CSNK1E: variants seen among roughly 807,000 people sequenced by gnomAD.
The protein encoded by CSNK1E is casein kinase 1 epsilon.
A neutral mutation model predicts 46.1 loss-of-function variants in CSNK1E; 17 were observed. That is an observed-to-expected ratio of 0.37 (90% CI 0.25 to 0.55). CSNK1E has a LOEUF of 0.55. Ranked by LOEUF, CSNK1E falls within the 20% of genes least tolerant of loss-of-function variation. CSNK1E has a pLI of 0.82. For synonymous variants in CSNK1E, 241 were observed against 242.6 expected, an observed-to-expected ratio of 0.99 and a Z score of 0.06; for missense variants, 386 against 595.4, an observed-to-expected ratio of 0.65 and a Z score of 3.66.
intron 6 of CSNK1E, among the ~76,000 whole-genome samples, chr22:38,299,664 C>A (rs2092660421): frequency 6.6e-6 from 1 of 152,240 alleles, no homozygotes; most frequent in South Asian, 2.1e-4. Flanking sequence ...GCTGGGATTA[C>A]AGGTGGGGCT....
intron 7 of CSNK1E, chr22:38,295,526 C>A (rs1347526178): frequency 6.4e-5 from 14 of 218,724 alleles, no homozygotes; most frequent in Non-Finnish European, 9.3e-5. Context: ...CCATGTCTCT[C>A]CCAGGAGACT....
chr22:38,297,181 C>G lies in CSNK1E; in HGVS notation c.885+1605G>C, dbSNP rs762394320. 5 of 777,156 alleles carry G rather than the reference C, an allele frequency of 6.4e-6. No individual in the cohort carries two copies. The African/African-American group carries it at 6.8e-5, about 11-fold the overall frequency. 48.1% of individuals were successfully genotyped at this position (777,156 alleles called of 1,614,324 possible). On this transcript the variant is annotated intron_variant, in intron 7 of 10. Coordinates refer to ENST00000396832, the MANE Select transcript of CSNK1E (RefSeq NM_152221.3). ...CTAGAGAATACAAAATCCATTCTTG[C>G]AGTTGTGCTGAGCTGGAGGGCCAAG...
At chr22:38,301,455 TGGAGTCTCGGTCTGTTGCCCAG>T (rs577861752) in intron 4 of CSNK1E, among the ~76,000 whole-genome samples, 222 of 151,920 alleles carry the variant, frequency 1.5e-3, no homozygotes, top group African/African-American at 5.2e-3. Flanking sequence ...TTTTTTGAGA[TGGAGTCTCGGTCTGTTGCCCAG>T]GCTGGAGTGC....
Position 38,300,587 on chromosome 22 carries a change from G to T in CSNK1E, c.565+137C>A. 1.2e-6 allele frequency: 1 copy of T among 800,836 alleles called. No homozygotes were observed. The highest frequency in any genetic ancestry group is 1.7e-5 in the African/African-American group (1 of 57,738). 49.6% of individuals were successfully genotyped at this position (800,836 alleles called of 1,614,324 possible). A position where few individuals can be genotyped will look rare whatever the true frequency, so the allele number is the denominator to read the frequency against. On this transcript the variant is annotated intron_variant, in intron 5 of 10. Transcript: ENST00000396832. The surrounding 1 kb of genome is among the most constrained non-coding windows in gnomAD (Gnocchi z 4.4). ...GGACACGGAATAAGCACGAGCTTGG[G>T]GGCAGACGGGGTGGGGACTTTCTCA... is the stretch of plus-strand genomic sequence containing the variant.
rs1469096663 is a variant in CSNK1E at position 38,294,695 on chromosome 22, C to G, written c.886-161G>C. 6.6e-6 allele frequency among the ~76,000 whole-genome samples: 1 copy of G among 152,152 alleles called. No homozygotes were observed. Among genetic ancestry groups the G allele is most frequent in the East Asian group, 1.9e-4 (1 of 5,186 alleles). On this transcript the variant is annotated intron_variant, in intron 7 of 10. Transcript: ENST00000396832. The surrounding 1 kb of genome is among the most constrained non-coding windows in gnomAD (Gnocchi z 5.5). ...AGCGCGGGAAGCCAAGACCCACAAT[C>G]ACACAGCACAGAGACACGAAGCCAC...
At chr22:38,296,095 C>T in intron 7 of CSNK1E, 1 of 927,594 alleles carries the variant, frequency 1.1e-6, no homozygotes, top group Non-Finnish European at 1.3e-6. Context: ...GGCTGGAGCC[C>T]CTGCCCTTTG....
At chr22:38,317,652 GC>G (rs2092755729), upstream of CSNK1E, among the ~76,000 whole-genome samples, 1 of 152,006 alleles carries the variant, frequency 6.6e-6, no homozygotes, top group Non-Finnish European at 1.5e-5. Context: ...GCAGTCCAGG[GC>G]ACAGGTGGAA....
chr22:38,301,419 A>G (rs1004883103), intron 4 of CSNK1E, among the ~76,000 whole-genome samples: 2 of 151,842 alleles, frequency 1.3e-5, no homozygotes, highest in Admixed American at 6.6e-5. Flanking sequence ...AGACAGGCAC[A>G]TGGCCCTCTT....
rs1271725384 is a variant in CSNK1E, at chr22:38,294,888, G to A, written c.886-354C>T. ...GCTGGGCCTGCCCTGGCCCCCCTCT[G>A]TGTACCAAGAGCCCTTAACTACTCA... On this transcript the variant is annotated intron_variant, in intron 7 of 10. Transcript: ENST00000396832. The surrounding 1 kb of genome is among the most constrained non-coding windows in gnomAD (Gnocchi z 5.5). 1.3e-5 allele frequency among the ~76,000 whole-genome samples: 2 copies of A among 152,180 alleles called. No individual in the cohort carries two copies. The highest frequency in any genetic ancestry group is 4.8e-5 in the African/African-American group (2 of 41,440).
In CSNK1E at chr22:38,309,825, T is replaced by A. The variant is rs1313694118; in HGVS notation, c.76+4257A>T. ...GTCAAATGATCATATGCTACAAACTTCCCAGGGACAGGGACCCAAGCTGCT... is the reference window on the plus strand; with the variant it reads ...GTCAAATGATCATATGCTACAAACTACCCAGGGACAGGGACCCAAGCTGCT... On this transcript the variant is annotated intron_variant, in intron 2 of 10. Coordinates refer to ENST00000396832, the MANE Select transcript of CSNK1E (RefSeq NM_152221.3). This position sits in a 1 kb window ranked among gnomAD's most constrained non-coding sequence, Gnocchi z 4.8. Among the ~76,000 whole-genome samples the A allele has an allele frequency of 6.6e-6, 1 of 152,168 alleles. No individual in the cohort carries two copies. The highest frequency in any genetic ancestry group is 1.5e-5 in the Non-Finnish European group (1 of 68,034).
At chr22:38,292,440 C>G (rs2092616238) in intron 10 of CSNK1E, 1 of 152,280 alleles carries the variant, frequency 6.6e-6, no homozygotes, top group Non-Finnish European at 1.5e-5. Context: ...CCACCCCACC[C>G]CCAAATATCT....
At position 38,314,078 on chromosome 22, in the gene CSNK1E, T is replaced by C. The variant is rs1015190542; in HGVS notation, c.76+4A>G. On this transcript the variant is annotated splice_donor_region_variant and intron_variant, in intron 2 of 10. Coordinates refer to ENST00000396832, the MANE Select transcript of CSNK1E (RefSeq NM_152221.3). Reference sequence around the variant, plus strand: ...GGGCTCCAGCTGGAGCTAGGAACACTTACCCAGGTAGATATCTCCGAAGGA... The same window carrying C: ...GGGCTCCAGCTGGAGCTAGGAACACCTACCCAGGTAGATATCTCCGAAGGA... The C allele has an allele frequency of 6.2e-6, 10 of 1,613,562 alleles. 1 individual carries two copies. The African/African-American group carries it at 9.3e-5, about 15-fold the overall frequency.
At position 38,294,066 on chromosome 22, in the gene CSNK1E, C is replaced by T; in HGVS notation, c.1218+43G>A. 6.3e-7 allele frequency: 1 copy of T among 1,593,498 alleles called. No individual in the cohort carries two copies. The highest frequency in any genetic ancestry group is 8.5e-7 in the Non-Finnish European group (1 of 1,173,088). ...TGACCTCCCACTGGGGGGTCTCTAACTCAGTTCTGAGGCCCAGAGGGACTG... is the reference window on the plus strand; with the variant it reads ...TGACCTCCCACTGGGGGGTCTCTAATTCAGTTCTGAGGCCCAGAGGGACTG... On this transcript the variant is annotated intron_variant, in intron 9 of 10. Transcript: ENST00000396832. The surrounding 1 kb of genome is among the most constrained non-coding windows in gnomAD (Gnocchi z 5.5).
chr22:38,297,967 G>C (rs1028306823), intron 7 of CSNK1E: 1 of 1,136,146 alleles, frequency 8.8e-7, no homozygotes, highest in Non-Finnish European at 1.1e-6. Context: ...GGCCTATCTG[G>C]GGGGCTCTGG....
At chr22:38,311,461 G>C (rs2092720543) in intron 2 of CSNK1E, among the ~76,000 whole-genome samples, 1 of 126,824 alleles carries the variant, frequency 7.9e-6, no homozygotes, top group African/African-American at 3.1e-5. Flanking sequence ...ATCTTGGGCT[G>C]TCCCCGCTCC....
intron 1 of CSNK1E, chr22:38,316,751 G>C (rs1207138397): frequency 6.6e-6 from 1 of 152,158 alleles, no homozygotes; most frequent in Non-Finnish European, 1.5e-5. Context: ...GGAGAGCAGG[G>C]GGCGCCGGTG....
At chr22:38,296,774 C>A in intron 7 of CSNK1E, 1 of 1,497,736 alleles carries the variant, frequency 6.7e-7, no homozygotes, top group East Asian at 2.3e-5. Context: ...ACAGAACGTT[C>A]TGGATGAAGG....
At chr22:38,306,244 T>C (rs2092698075) in intron 2 of CSNK1E, among the ~76,000 whole-genome samples, 1 of 152,154 alleles carries the variant, frequency 6.6e-6, no homozygotes, top group African/African-American at 2.4e-5. Flanking sequence ...AACAGAAACA[T>C]GACTGTACAG....
Position 38,296,378 on chromosome 22 carries a change from C to G in CSNK1E, c.886-1844G>C, listed in dbSNP as rs1376889174. 4 of 1,398,230 alleles carry G rather than the reference C, an allele frequency of 2.9e-6. No homozygotes were observed. In the East Asian group the frequency reaches 1.1e-4, roughly 38 times the overall value. The allele number at this position is 1,398,230 out of a possible 1,614,324, so 86.6% of individuals were successfully genotyped here. On this transcript the variant is annotated intron_variant, in intron 7 of 10. Coordinates refer to ENST00000396832, the MANE Select transcript of CSNK1E (RefSeq NM_152221.3). ...TATGTGCTGAGAGTGGCTTCCAGGC[C>G]CCAGGGATCCACAGATCCCAGCACC... is the stretch of plus-strand genomic sequence containing the variant.
Sources: allele counts gnomAD v4.1 joint callset (sites outside exome capture counted in the v4.1 genomes callset), GRCh38; gene constraint gnomAD v4.1.1; non-coding constraint Gnocchi (gnomAD v3.1); transcripts MANE v1.5; gene names NCBI Gene and HGNC (gene_info 2026-07-23, HGNC 2026-07-21).